The following ANO6 variants were observed in gnomAD, a reference collection of about 807,000 sequenced individuals.
ANO6 encodes the protein anoctamin-6.
ANO6 carries 106 observed loss-of-function variants against 117.5 expected under a neutral mutation model. The ratio of observed to expected loss-of-function variants is 0.90; its 90% confidence interval spans 0.77 to 1.06. The LOEUF (loss-of-function observed/expected upper bound fraction) is 1.06, where lower values mean the gene tolerates loss of function less well. Among genes scored for constraint, ANO6 ranks in the 50% least tolerant of loss-of-function variants. The pLI is 0.00. For synonymous variants in ANO6, 367 were observed against 385.1 expected (o/e 0.95, Z 0.55); for missense variants, 955 against 1,121.1 (o/e 0.85, Z 2.12).
chr12:45,255,824 T>G (rs1937801200), intron 1 of ANO6, among the ~76,000 whole-genome samples: 1 of 146,124 alleles, frequency 6.8e-6, no homozygotes, highest in East Asian at 2.1e-4. Context: ...GGGTGTTTTT[T>G]TTTTTTTTTT....
chr12:45,225,496 T>G (rs1301746287), intron 1 of ANO6, among the ~76,000 whole-genome samples: 1 of 149,766 alleles, frequency 6.7e-6, no homozygotes, highest in African/African-American at 2.4e-5. Context: ...ATTTTTAGAT[T>G]TTTTTTTTTT....
intron 7 of ANO6, 109 bp from the exon 8 acceptor site, chr12:45,357,181 A>G: frequency 7.8e-7 from 1 of 1,277,436 alleles, no homozygotes; most frequent in Non-Finnish European, 1.1e-6. Context: ...GAATTGAGTC[A>G]GATTTAAGCT....
rs763927159 is a variant in ANO6 at position 45,322,777 on chromosome 12, A to G, written c.151-8518A>G. Among the ~76,000 whole-genome samples, 60 of 152,156 alleles carry G rather than the reference A, an allele frequency of 3.9e-4. 1 individual carries two copies. Among genetic ancestry groups the G allele is most frequent in the Non-Finnish European group, 2.8e-4 (19 of 68,036 alleles). The stretch of plus-strand genomic sequence containing the variant: ...GATGAAAAAGTCAAAGGTCACCTAT[A>G]TTTTATATTGCATAACCCCAACTGC... On this transcript the variant is annotated intron_variant, in intron 2 of 19. Transcript: ENST00000320560.
chr12:45,270,332 A>G, intron 1 of ANO6: 2 of 1,254,578 alleles, frequency 1.6e-6, no homozygotes, highest in Non-Finnish European at 2.0e-6. Context: ...AAAATGGTCA[A>G]ATGGCTTGTA....
intron 1 of ANO6, among the ~76,000 whole-genome samples, chr12:45,242,039 T>G (rs1232564526): frequency 2.6e-5 from 4 of 152,320 alleles, no homozygotes; most frequent in Admixed American, 2.0e-4. Context: ...GACCCACTTG[T>G]GGAGGCGGTC....
intron 7 of ANO6, among the ~76,000 whole-genome samples, chr12:45,354,851 T>C (rs1315748740): frequency 3.9e-5 from 6 of 152,182 alleles, no homozygotes; most frequent in African/African-American, 1.4e-4. Flanking sequence ...AACCAAAAAC[T>C]ATAATGTAAC....
intron 1 of ANO6, among the ~76,000 whole-genome samples, chr12:45,227,596 C>T (rs1433785301): frequency 1.3e-5 from 2 of 152,072 alleles, no homozygotes; most frequent in African/African-American, 4.8e-5. Flanking sequence ...TACATTATCA[C>T]CCTCATAATA....
At chr12:45,337,251 CT>C (rs1195288511) in intron 3 of ANO6, among the ~76,000 whole-genome samples, 2 of 152,024 alleles carry the variant, frequency 1.3e-5, no homozygotes, top group Non-Finnish European at 2.9e-5. Context: ...GATAACTGCC[CT>C]AAACTGGTAT....
chr12:45,287,955 A>C (rs1938970950), intron 1 of ANO6, among the ~76,000 whole-genome samples: 1 of 152,170 alleles, frequency 6.6e-6, no homozygotes, highest in African/African-American at 2.4e-5. Context: ...TATACCCTTT[A>C]GTTTATTGGA....
At position 45,429,680 on chromosome 12, in the gene ANO6, A is replaced by C; in HGVS notation, c.*369A>C. On this transcript the variant is annotated 3_prime_UTR_variant, in exon 20 of 20. Transcript: ENST00000320560. Reference sequence around the variant, plus strand: ...TATTCTCAGGCGCATGATCTCCTTTATTTTTAAGCCATGTTTCATTTCTTC... The same window carrying C: ...TATTCTCAGGCGCATGATCTCCTTTCTTTTTAAGCCATGTTTCATTTCTTC... 2.7e-6 allele frequency: 3 copies of C among 1,120,358 alleles called. No homozygotes were observed. Among genetic ancestry groups the C allele is most frequent in the Non-Finnish European group, 3.3e-6 (3 of 912,076 alleles). 69.4% of individuals were successfully genotyped at this position (1,120,358 alleles called of 1,614,324 possible). A position where few individuals can be genotyped will look rare whatever the true frequency, so the allele number is the denominator to read the frequency against.
chr12:45,405,782 C>T (rs994288352), intron 15 of ANO6, among the ~76,000 whole-genome samples: 5 of 152,100 alleles, frequency 3.3e-5, no homozygotes, highest in Non-Finnish European at 7.4e-5. Context: ...TTGGTGCATG[C>T]CTGTAATCCC....
At chr12:45,335,237 T>G (rs1167856299) in intron 3 of ANO6, among the ~76,000 whole-genome samples, 1 of 151,966 alleles carries the variant, frequency 6.6e-6, no homozygotes, top group East Asian at 1.9e-4. Context: ...TTTTTAAAAT[T>G]AGTGATCAAA....
At position 45,295,851 on chromosome 12, in the gene ANO6, T is replaced by TTTTTTA. The variant is rs1023154212; in HGVS notation, c.71-6139_71-6134dup. Among the ~76,000 whole-genome samples the TTTTTTA allele has an allele frequency of 1.1e-4, 17 of 151,904 alleles. 1 individual carries two copies. Among genetic ancestry groups the TTTTTTA allele is most frequent in the East Asian group, 9.7e-4 (5 of 5,162 alleles). On this transcript the variant is annotated intron_variant, in intron 1 of 19. Coordinates refer to ENST00000320560, the MANE Select transcript of ANO6 (RefSeq NM_001025356.3). ...CTGTGATTACAGGCGCTTTTTAAAT[T>TTTTTTA]TTTTTATTTTTATTTTTATTTTTAT...
chr12:45,235,956 CT>C (rs1483780280), intron 1 of ANO6, among the ~76,000 whole-genome samples: 3 of 152,238 alleles, frequency 2.0e-5, no homozygotes, highest in Non-Finnish European at 4.4e-5. Flanking sequence ...TCCAGTGCCC[CT>C]TCCGGGATCC....
At position 45,347,132 on chromosome 12, in the gene ANO6, G is replaced by A. The variant is rs370719737; in HGVS notation, c.345+45G>A. Reference sequence around the variant, plus strand: ...CAGCCCTCGGCTGACCACTGTTCTCGGGCAGCTTCGTGCCACTTGGAATAC... The same window carrying A: ...CAGCCCTCGGCTGACCACTGTTCTCAGGCAGCTTCGTGCCACTTGGAATAC... On this transcript the variant is annotated intron_variant, in intron 4 of 19. Transcript: ENST00000320560. The A allele has an allele frequency of 1.5e-5, 24 of 1,591,740 alleles. No homozygotes were observed. The East Asian group carries it at 1.6e-4, about 10-fold the overall frequency.
intron 3 of ANO6, among the ~76,000 whole-genome samples, chr12:45,343,966 G>A (rs7304658): frequency 1.4e-3 from 208 of 152,226 alleles, no homozygotes; most frequent in Non-Finnish European, 2.2e-3. Context: ...TGGTTGGCGG[G>A]GCCTAGCTCG....
intron 1 of ANO6, among the ~76,000 whole-genome samples, chr12:45,267,743 A>G (rs1938265275): frequency 6.6e-6 from 1 of 152,198 alleles, no homozygotes; most frequent in Non-Finnish European, 1.5e-5. Flanking sequence ...GTGAGCTGAG[A>G]ACATGCCAGT....
Position 45,429,905 on chromosome 12 carries a change from C to T in ANO6, c.*594C>T, listed in dbSNP as rs140947115. The T allele has an allele frequency of 8.0e-4, 793 of 988,806 alleles. 2 individuals carry two copies. In the Middle Eastern group the frequency reaches 8.3e-3, roughly 10 times the overall value. 61.3% of individuals were successfully genotyped at this position (988,806 alleles called of 1,614,324 possible). Reference sequence around the variant, plus strand: ...TCAGTCTTCATTTGAGCATGTCTTTCCATCTCAAAAAAATACTCTTAGTAG... The same window carrying T: ...TCAGTCTTCATTTGAGCATGTCTTTTCATCTCAAAAAAATACTCTTAGTAG... On this transcript the variant is annotated 3_prime_UTR_variant, in exon 20 of 20. Coordinates refer to ENST00000320560, the MANE Select transcript of ANO6 (RefSeq NM_001025356.3).
intron 1 of ANO6, among the ~76,000 whole-genome samples, chr12:45,284,347 C>A (rs1938839428): frequency 6.6e-6 from 1 of 152,176 alleles, no homozygotes. Flanking sequence ...GCCAGAATTT[C>A]TTTATCTCCA....
Sources: allele counts gnomAD v4.1 joint callset (sites outside exome capture counted in the v4.1 genomes callset), GRCh38; gene constraint gnomAD v4.1.1; transcripts MANE v1.5; gene names NCBI Gene and HGNC (gene_info 2026-07-23, HGNC 2026-07-21).